RNF115: variants seen among roughly 807,000 people sequenced by gnomAD.
RNF115 encodes the protein ring finger protein 115, also known as E3 ubiquitin-protein ligase RNF115.
RNF115 carries 31 observed loss-of-function variants against 39.2 expected under a neutral mutation model. The ratio of observed to expected loss-of-function variants is 0.79; its 90% CI spans 0.59 to 1.07. The LOEUF (loss-of-function observed/expected upper bound fraction) is 1.07. Among genes scored for constraint, RNF115 ranks in the 50% least tolerant of loss-of-function variants. The pLI, the probability that RNF115 is intolerant of heterozygous loss-of-function variation, is 0.00. For synonymous variants in RNF115, 124 were observed against 131.0 expected (o/e 0.95, Z 0.37); for missense variants, 384 against 381.7 (o/e 1.01, Z -0.05).
chr1:145,788,814 A>C, intron 2 of RNF115, 94 bp downstream of exon 2: 1 of 901,434 alleles, frequency 1.1e-6, no homozygotes, highest in Non-Finnish European at 1.8e-6. Flanking sequence ...TGTAGAGTGT[A>C]AGTTGTAAAA....
intron 1 of RNF115, among the ~76,000 whole-genome samples, chr1:145,803,929 C>A (rs1351894773): frequency 6.6e-6 from 1 of 152,136 alleles, no homozygotes; most frequent in Non-Finnish European, 1.5e-5. Context: ...TAACCTCAGA[C>A]AACATAATAT....
intron 2 of RNF115, among the ~76,000 whole-genome samples, chr1:145,786,534 C>T (rs1484984414): frequency 6.6e-6 from 1 of 152,190 alleles, no homozygotes; most frequent in Non-Finnish European, 1.5e-5. Context: ...TACAAAGACA[C>T]ATAAAAGAAT....
chr1:145,818,263 ATTCT>A (rs1650077346), intron 1 of RNF115, among the ~76,000 whole-genome samples: 2 of 152,090 alleles, frequency 1.3e-5, no homozygotes, highest in African/African-American at 4.8e-5. Context: ...AACAACTGTT[ATTCT>A]TTAACTTTCT....
intron 4 of RNF115, among the ~76,000 whole-genome samples, chr1:145,756,034 G>C (rs1471239782): frequency 6.6e-6 from 1 of 152,160 alleles, no homozygotes; most frequent in Admixed American, 6.5e-5. Flanking sequence ...ATAATTCTGA[G>C]AATTCCCAGC....
intron 1 of RNF115, among the ~76,000 whole-genome samples, chr1:145,801,080 A>G (rs1553720826): frequency 6.6e-6 from 1 of 152,162 alleles, no homozygotes; most frequent in Non-Finnish European, 1.5e-5. Context: ...CTGAGGCAGG[A>G]GAATGGCATG....
At chr1:145,789,697 CTTCTTTTTTT>C (rs1200403205) in intron 1 of RNF115, among the ~76,000 whole-genome samples, 6 of 133,536 alleles carry the variant, frequency 4.5e-5, no homozygotes, top group South Asian at 2.4e-4. Context: ...CACACCCGGA[CTTCTTTTTTT>C]TTTTTTTTTT....
intron 1 of RNF115, among the ~76,000 whole-genome samples, chr1:145,790,721 C>T (rs1553718828): frequency 1.3e-5 from 2 of 152,182 alleles, no homozygotes; most frequent in Admixed American, 6.6e-5. Flanking sequence ...TGTGAGCCAC[C>T]GTGCCTGGCC....
Position 145,787,164 on chromosome 1 carries a change from CG to C in RNF115, c.161+1743del, listed in dbSNP as rs587707716. ...AGATTACAGATTCTTTTTGACCAGTCGGTACTTCTTCAATTTTCAGACGAAT... is the reference window on the plus strand; with the variant it reads ...AGATTACAGATTCTTTTTGACCAGTCGTACTTCTTCAATTTTCAGACGAAT... On this transcript the variant is annotated intron_variant, in intron 2 of 8. Coordinates refer to ENST00000582693, the MANE Select transcript of RNF115 (RefSeq NM_014455.4). 2.4e-4 allele frequency: 114 copies of C among 484,634 alleles called. 1 individual carries two copies. The highest frequency in any genetic ancestry group is 2.2e-3 in the African/African-American group (109 of 49,500). 30.0% of individuals were successfully genotyped at this position (484,634 alleles called of 1,614,324 possible).
intron 3 of RNF115, among the ~76,000 whole-genome samples, chr1:145,774,167 C>CT (rs1647773041): frequency 1.3e-5 from 2 of 152,268 alleles, no homozygotes; most frequent in South Asian, 2.1e-4. Flanking sequence ...AAGTCCTACT[C>CT]TACCATTTTC....
intron 4 of RNF115, among the ~76,000 whole-genome samples, chr1:145,760,111 A>T (rs150207803): frequency 1.4e-4 from 21 of 152,332 alleles, no homozygotes; most frequent in African/African-American, 4.6e-4. Context: ...TCTGGCACAC[A>T]GTAATACACA....
intron 1 of RNF115, among the ~76,000 whole-genome samples, chr1:145,822,313 CA>C (rs1360699501): frequency 0.73 from 95,389 of 129,934 alleles, 32,216 homozygotes; most frequent in Middle Eastern, 0.8. Flanking sequence ...GAGGCTGTCT[CA>C]AAAAAAAAAA....
intron 4 of RNF115, among the ~76,000 whole-genome samples, chr1:145,766,452 C>T (rs1313379802): frequency 2.0e-5 from 3 of 152,148 alleles, no homozygotes; most frequent in African/African-American, 7.2e-5. Flanking sequence ...CCTTTCCCCG[C>T]TTTCTATTCC....
At chr1:145,756,782 T>A (rs1553713216) in intron 4 of RNF115, among the ~76,000 whole-genome samples, 2 of 148,154 alleles carry the variant, frequency 1.3e-5, no homozygotes, top group Admixed American at 1.4e-4. Flanking sequence ...GCCTCTGTCA[T>A]CACATGGCTT....
intron 4 of RNF115, among the ~76,000 whole-genome samples, chr1:145,763,213 A>C (rs1658599469): frequency 1.3e-5 from 2 of 152,224 alleles, no homozygotes; most frequent in Non-Finnish European, 2.9e-5. Context: ...CCCGAATCTA[A>C]AATAAAAATA....
chr1:145,767,838 C>T (rs1303760048), intron 4 of RNF115, among the ~76,000 whole-genome samples: 26 of 152,342 alleles, frequency 1.7e-4, no homozygotes, highest in African/African-American at 4.3e-4. Flanking sequence ...TCAGGCGTGG[C>T]GGCGCGCGCC....
chr1:145,809,155 T>C (rs978557651), intron 1 of RNF115, among the ~76,000 whole-genome samples: 4 of 151,274 alleles, frequency 2.6e-5, no homozygotes, highest in African/African-American at 9.7e-5. Flanking sequence ...TAGTCATTAG[T>C]CTACAGGTCT....
chr1:145,765,756 A>C (rs1647226435), intron 4 of RNF115, among the ~76,000 whole-genome samples: 1 of 152,228 alleles, frequency 6.6e-6, no homozygotes, highest in Admixed American at 6.5e-5. Flanking sequence ...CAAAAGCTGC[A>C]GATTAGAGGA....
chr1:145,766,667 G>GGC (rs1647298217), intron 4 of RNF115, among the ~76,000 whole-genome samples: 3 of 136,238 alleles, frequency 2.2e-5, no homozygotes, highest in Non-Finnish European at 1.6e-5. Flanking sequence ...CTGGCCGGGC[G>GGC]GGGGGCTGAC....
chr1:145,749,375 C>A (rs1223926611), intron 7 of RNF115, among the ~76,000 whole-genome samples: 1 of 152,136 alleles, frequency 6.6e-6, no homozygotes, highest in Non-Finnish European at 1.5e-5. Context: ...CCACAGCAAT[C>A]CCCAGCTCCT....
Sources: allele counts gnomAD v4.1 joint callset (sites outside exome capture counted in the v4.1 genomes callset), GRCh38; gene constraint gnomAD v4.1.1; transcripts MANE v1.5; gene names NCBI Gene and HGNC (gene_info 2026-07-23, HGNC 2026-07-21).